THSD7B: variants seen among roughly 807,000 people sequenced by gnomAD.
THSD7B encodes the protein thrombospondin type 1 domain containing 7B, also known as thrombospondin type-1 domain-containing protein 7B.
Under a neutral mutation model 213.6 loss-of-function variants are expected in THSD7B, and 138 were observed. That is an observed-to-expected ratio of 0.65 (90% CI 0.56 to 0.74). The LOEUF is 0.74. Ranked by LOEUF, THSD7B falls within the 30% of genes least tolerant of loss-of-function variation. THSD7B has a pLI of 0.00. For missense variants in THSD7B, 1,931 were observed against 1,991.5 expected, an observed-to-expected ratio of 0.97 and a Z score of 0.58; for synonymous variants, 742 against 687.0, an observed-to-expected ratio of 1.08 and a Z score of -1.25.
intron 4 of THSD7B, among the ~76,000 whole-genome samples, chr2:137,099,178 G>A (rs1688099029): frequency 6.6e-6 from 1 of 152,038 alleles, no homozygotes; most frequent in Admixed American, 6.6e-5. Flanking sequence ...CTCTTGGTGT[G>A]GTTGTCCCCT....
At chr2:137,312,411 G>T (rs1406982704) in intron 12 of THSD7B, among the ~76,000 whole-genome samples, 2 of 142,666 alleles carry the variant, frequency 1.4e-5, no homozygotes, top group African/African-American at 2.7e-5. Context: ...TTCTTTATTC[G>T]TCTTGCTAGT....
intron 12 of THSD7B, among the ~76,000 whole-genome samples, chr2:137,360,943 A>G (rs896184798): frequency 6.6e-6 from 1 of 152,172 alleles, no homozygotes; most frequent in African/African-American, 2.4e-5. Flanking sequence ...ACTTGGAGAC[A>G]TCTCCCACTA....
chr2:136,977,888 C>T (rs1376408255), intron 2 of THSD7B, among the ~76,000 whole-genome samples: 1 of 151,618 alleles, frequency 6.6e-6, no homozygotes, highest in Admixed American at 6.6e-5. Context: ...CAACCTCTGC[C>T]TCCCAGGTTC....
chr2:137,079,788 T>C (rs745559975), intron 3 of THSD7B, among the ~76,000 whole-genome samples: 1 of 152,188 alleles, frequency 6.6e-6, no homozygotes, highest in African/African-American at 2.4e-5. Flanking sequence ...ATTTTACATG[T>C]ATTAATTGCT....
At chr2:136,960,583 G>A (rs13431280) in intron 2 of THSD7B, among the ~76,000 whole-genome samples, 11,253 of 152,088 alleles carry the variant, frequency 0.074, 673 homozygotes, top group African/African-American at 0.16. Context: ...TTTGATATGG[G>A]TTACTTCAAA....
chr2:137,485,204 T>C (rs1427693949), intron 15 of THSD7B, among the ~76,000 whole-genome samples: 1 of 127,552 alleles, frequency 7.8e-6, no homozygotes, highest in African/African-American at 3.0e-5. Context: ...TTGTATAAGG[T>C]GTAAGGAAGG....
Position 136,932,641 on chromosome 2 carries a change from C to A in THSD7B, c.139+50324C>A, listed in dbSNP as rs780122890. ...AGGAAGAGAAAATATATTTATTATA[C>A]ATTAAGTGGAAGTGGATCATCTTAA... On this transcript the variant is annotated intron_variant, in intron 2 of 27. Transcript: ENST00000409968. Among the ~76,000 whole-genome samples, 47 of 152,176 alleles carry A rather than the reference C, an allele frequency of 3.1e-4. 1 individual carries two copies. Among genetic ancestry groups the A allele is most frequent in the Admixed American group, 2.0e-4 (3 of 15,280 alleles).
chr2:137,198,041 T>C (rs1381488787), intron 7 of THSD7B, among the ~76,000 whole-genome samples: 1 of 152,158 alleles, frequency 6.6e-6, no homozygotes. Context: ...CTTTCATGCC[T>C]CTGTGTCTAC....
intron 10 of THSD7B, 89 bp downstream of exon 10, chr2:137,242,661 A>G (rs1425975203): frequency 4.7e-6 from 4 of 852,514 alleles, no homozygotes; most frequent in Non-Finnish European, 7.0e-6. Flanking sequence ...GAATGTGAGC[A>G]CCTTTTTTTT....
intron 17 of THSD7B, among the ~76,000 whole-genome samples, chr2:137,597,240 C>T (rs373229772): frequency 6.6e-6 from 1 of 151,948 alleles, no homozygotes; most frequent in African/African-American, 2.4e-5. Context: ...GGGATTCTGC[C>T]TTTGTTATCA....
chr2:136,972,699 G>T (rs568846645), intron 2 of THSD7B, among the ~76,000 whole-genome samples: 2 of 152,214 alleles, frequency 1.3e-5, no homozygotes, highest in South Asian at 4.1e-4. Flanking sequence ...ATAAACTAGG[G>T]TTTAAGACAA....
At chr2:137,597,469 T>G (rs563745867) in intron 17 of THSD7B, among the ~76,000 whole-genome samples, 5 of 68,330 alleles carry the variant, frequency 7.3e-5, no homozygotes, top group South Asian at 1.6e-3. Flanking sequence ...AAAAAACCTG[T>G]TTTTTTTTTT....
chr2:137,264,901 T>A (rs1682548594), intron 10 of THSD7B, among the ~76,000 whole-genome samples: 1 of 152,050 alleles, frequency 6.6e-6, no homozygotes, highest in African/African-American at 2.4e-5. Context: ...TATGCATACA[T>A]GTGCCATGCT....
In THSD7B at chr2:136,961,873, T is replaced by C. The variant is rs573393331; in HGVS notation, c.139+79556T>C. Among the ~76,000 whole-genome samples, 80 of 152,334 alleles carry C rather than the reference T, an allele frequency of 5.3e-4. 1 individual carries two copies. The Middle Eastern group carries it at 0.01, about 19-fold the overall frequency. On this transcript the variant is annotated intron_variant, in intron 2 of 27. Coordinates refer to ENST00000409968, the MANE Select transcript of THSD7B (RefSeq NM_001316349.2). ...ATATAAAATGATTTCTTAGATTTTGTAACATTTCATTGGTGGTAGGAAGAC... is the reference window on the plus strand; with the variant it reads ...ATATAAAATGATTTCTTAGATTTTGCAACATTTCATTGGTGGTAGGAAGAC...
intron 12 of THSD7B, among the ~76,000 whole-genome samples, chr2:137,373,778 C>T (rs1685589370): frequency 6.6e-6 from 1 of 152,176 alleles, no homozygotes; most frequent in Admixed American, 6.5e-5. Flanking sequence ...TTGCCCATGC[C>T]TATGTCCTGA....
intron 5 of THSD7B, among the ~76,000 whole-genome samples, chr2:137,125,579 A>G (rs973946377): frequency 2.0e-5 from 3 of 152,184 alleles, no homozygotes; most frequent in African/African-American, 7.2e-5. Context: ...CCTCAAAGTC[A>G]TTCATGATGT....
At chr2:137,131,166 A>G (rs1279805097) in intron 5 of THSD7B, among the ~76,000 whole-genome samples, 38 of 141,734 alleles carry the variant, frequency 2.7e-4, no homozygotes, top group African/African-American at 9.6e-4. Context: ...TTTTGGCTGC[A>G]TAAGTGTCTT....
chr2:137,358,026 C>T (rs1301216588), intron 12 of THSD7B, among the ~76,000 whole-genome samples: 2 of 152,182 alleles, frequency 1.3e-5, no homozygotes, highest in African/African-American at 4.8e-5. Flanking sequence ...AACACTTTCC[C>T]TTTTTTATGG....
chr2:137,628,280 A>G (rs1217766538), intron 20 of THSD7B, among the ~76,000 whole-genome samples: 2 of 152,198 alleles, frequency 1.3e-5, no homozygotes, highest in Non-Finnish European at 2.9e-5. Context: ...TCCAAATTCT[A>G]CACACTATAC....
Sources: gnomAD v4.1 joint callset for allele counts (sites outside exome capture counted in the v4.1 genomes callset) on GRCh38, gnomAD v4.1.1 for gene constraint, MANE v1.5 for transcripts, NCBI Gene and HGNC (gene_info 2026-07-23, HGNC 2026-07-21) for gene names.